KCNG3: variants seen among roughly 807,000 people sequenced by gnomAD.
The protein encoded by KCNG3 is voltage-gated potassium channel regulatory subunit KCNG3.
KCNG3 carries 15 observed loss-of-function variants against 29.0 expected under a neutral mutation model. That is an observed-to-expected ratio of 0.52 (90% CI 0.35 to 0.80). The LOEUF (loss-of-function observed/expected upper bound fraction) is 0.80. Ranked by LOEUF, KCNG3 falls within the 30% of genes least tolerant of loss-of-function variation. The pLI, the probability that KCNG3 is intolerant of heterozygous loss-of-function variation, is 0.01. For synonymous variants in KCNG3, 322 were observed against 248.9 expected, an observed-to-expected ratio of 1.29 and a Z score of -2.76; for missense variants, 512 against 605.7, an observed-to-expected ratio of 0.85 and a Z score of 1.62.
At chr2:42,402,125 A>C in the KCNG3 span, among the ~76,000 whole-genome samples, 1 of 152,208 alleles carries the variant, frequency 6.6e-6, no homozygotes, top group Non-Finnish European at 1.5e-5. Flanking sequence ...TGAATAGAAC[A>C]CAAAAGCAGA....
chr2:42,435,997 G>C, the KCNG3 span, among the ~76,000 whole-genome samples: 1 of 152,194 alleles, frequency 6.6e-6, no homozygotes, highest in African/African-American at 2.4e-5. Flanking sequence ...TCCATCAACT[G>C]ATGCATGGAT....
the KCNG3 span, among the ~76,000 whole-genome samples, chr2:42,399,961 T>C: frequency 6.6e-6 from 1 of 152,104 alleles, no homozygotes; most frequent in Non-Finnish European, 1.5e-5. Context: ...ATGGACAACA[T>C]GTGAGCAGGC....
At chr2:42,404,546 T>C in the KCNG3 span, among the ~76,000 whole-genome samples, 1 of 152,008 alleles carries the variant, frequency 6.6e-6, no homozygotes, top group Non-Finnish European at 1.5e-5. Context: ...CTGGGCAACA[T>C]GGCGAAACCC....
chr2:42,390,614 G>A, the KCNG3 span, among the ~76,000 whole-genome samples: 1 of 152,180 alleles, frequency 6.6e-6, no homozygotes, highest in African/African-American at 2.4e-5. Context: ...CTGCTGTGTT[G>A]TTTATCAGAC....
At chr2:42,457,994 T>G (rs116432614) in intron 1 of KCNG3, among the ~76,000 whole-genome samples, 1 of 152,008 alleles carries the variant, frequency 6.6e-6, no homozygotes, top group Non-Finnish European at 1.5e-5. Flanking sequence ...AAACAAAATA[T>G]ATGTACTCAC....
chr2:42,447,522 T>C (rs1057487353), intron 1 of KCNG3, among the ~76,000 whole-genome samples: 3 of 150,344 alleles, frequency 2.0e-5, no homozygotes, highest in African/African-American at 7.3e-5. Context: ...GAATATTCTT[T>C]TTTTTTTTTT....
intron 1 of KCNG3, among the ~76,000 whole-genome samples, chr2:42,451,313 C>T (rs1219011282): frequency 6.6e-6 from 1 of 151,380 alleles, no homozygotes; most frequent in Non-Finnish European, 1.5e-5. Flanking sequence ...GGCAGTGACA[C>T]ACACCTGTAA....
the KCNG3 span, among the ~76,000 whole-genome samples, chr2:42,391,832 G>A: frequency 8.6e-5 from 13 of 151,614 alleles, no homozygotes; most frequent in Admixed American, 6.6e-4. Context: ...TCGATCTCCT[G>A]ACCTCGTGAT....
the KCNG3 span, among the ~76,000 whole-genome samples, chr2:42,406,073 G>A: frequency 2.6e-5 from 4 of 152,072 alleles, no homozygotes; most frequent in African/African-American, 9.7e-5. Flanking sequence ...AGCACTAAAT[G>A]ACATGTTTTC....
At chr2:42,488,728 T>C (rs1468543874) in intron 1 of KCNG3, among the ~76,000 whole-genome samples, 2 of 152,002 alleles carry the variant, frequency 1.3e-5, no homozygotes, top group African/African-American at 2.4e-5. Flanking sequence ...TTTTGTATTT[T>C]TAGTAGAGAC....
Position 42,443,900 on chromosome 2 carries a change from T to TAA in KCNG3, c.*33_*34insTT. 6.4e-7 allele frequency: 1 copy of TAA among 1,560,478 alleles called. No individual in the cohort carries two copies. The highest frequency in any genetic ancestry group is 8.7e-7 in the Non-Finnish European group (1 of 1,151,496). ...ATATGAAGCAGCATCAAAGTCTTTC[T>TAA]ATGAAGTGTATGCAAGAATTGATTT... On this transcript the variant is annotated 3_prime_UTR_variant, in exon 2 of 2. Transcript: ENST00000306078.
chr2:42,395,191 G>T, the KCNG3 span, among the ~76,000 whole-genome samples: 1 of 152,148 alleles, frequency 6.6e-6, no homozygotes. Flanking sequence ...GACAAACAAT[G>T]AACTGGAGAG....
At chr2:42,417,330 G>A in the KCNG3 span, among the ~76,000 whole-genome samples, 4 of 152,050 alleles carry the variant, frequency 2.6e-5, no homozygotes, top group Non-Finnish European at 5.9e-5. Flanking sequence ...GTGGTGGGAG[G>A]AAGATTTGGA....
chr2:42,391,672 G>A, the KCNG3 span, among the ~76,000 whole-genome samples: 21 of 130,502 alleles, frequency 1.6e-4, no homozygotes, highest in Non-Finnish European at 2.9e-4. Context: ...GCGGGATCTC[G>A]GCTCACTGCA....
the KCNG3 span, among the ~76,000 whole-genome samples, chr2:42,393,289 G>A: frequency 2.6e-5 from 4 of 151,194 alleles, no homozygotes; most frequent in Non-Finnish European, 5.9e-5. Flanking sequence ...GCCCAGGCAC[G>A]GTGGTTCAGG....
chr2:42,408,958 A>G, the KCNG3 span, among the ~76,000 whole-genome samples: 1 of 152,044 alleles, frequency 6.6e-6, no homozygotes, highest in African/African-American at 2.4e-5. Context: ...GATGCAAGCC[A>G]TGGAATCTGC....
chr2:42,422,975 C>T, the KCNG3 span, among the ~76,000 whole-genome samples: 38 of 152,140 alleles, frequency 2.5e-4, no homozygotes, highest in Admixed American at 6.6e-4. Flanking sequence ...CCTCAACACT[C>T]TTACAGAGGG....
At chr2:42,476,149 A>C (rs891012095) in intron 1 of KCNG3, among the ~76,000 whole-genome samples, 1 of 152,112 alleles carries the variant, frequency 6.6e-6, no homozygotes, top group African/African-American at 2.4e-5. Flanking sequence ...AAATTTTTTC[A>C]ATTATTCATG....
At chr2:42,465,241 G>C (rs1673113648) in intron 1 of KCNG3, among the ~76,000 whole-genome samples, 1 of 148,634 alleles carries the variant, frequency 6.7e-6, no homozygotes, top group South Asian at 2.1e-4. Flanking sequence ...TTTTGAAACA[G>C]GGTTTGGCTC....
Sources: allele counts gnomAD v4.1 joint callset (sites outside exome capture counted in the v4.1 genomes callset), GRCh38; gene constraint gnomAD v4.1.1; transcripts MANE v1.5; gene names NCBI Gene and HGNC (gene_info 2026-07-23, HGNC 2026-07-21).